PCED1B: variants seen among roughly 807,000 people sequenced by gnomAD.
The protein encoded by PCED1B is PC-esterase domain containing 1B.
For missense variants in PCED1B, 573 were observed against 573.9 expected, an observed-to-expected ratio of 1.00 and a Z score of 0.02; for synonymous variants, 251 against 246.1, an observed-to-expected ratio of 1.02 and a Z score of -0.19.
chr12:47,230,955 G>T (rs1043541281), intron 3 of PCED1B, among the ~76,000 whole-genome samples: 2 of 152,190 alleles, frequency 1.3e-5, no homozygotes, highest in African/African-American at 4.8e-5. Flanking sequence ...TATATGAAGT[G>T]TACTAATAGG....
chr12:47,171,057 C>A (rs543047399), intron 2 of PCED1B, among the ~76,000 whole-genome samples: 2 of 148,626 alleles, frequency 1.3e-5, no homozygotes, highest in Non-Finnish European at 3.0e-5. Flanking sequence ...TTCTTCCTGC[C>A]AGGTTACCTT....
At chr12:47,098,322 T>G (rs2137205127) in intron 1 of PCED1B, among the ~76,000 whole-genome samples, 1 of 152,320 alleles carries the variant, frequency 6.6e-6, no homozygotes. Flanking sequence ...GGGCTGAGGT[T>G]GGTGCCAGTG....
chr12:47,118,732 T>G (rs1206708651), intron 2 of PCED1B, among the ~76,000 whole-genome samples: 1 of 152,150 alleles, frequency 6.6e-6, no homozygotes, highest in Admixed American at 6.6e-5. Flanking sequence ...GTGAAGAAAG[T>G]CATTGGTAGC....
At chr12:47,098,841 AAGAAAGAGTGGG>A (rs1443543241) in intron 1 of PCED1B, among the ~76,000 whole-genome samples, 6 of 152,182 alleles carry the variant, frequency 3.9e-5, no homozygotes, top group Non-Finnish European at 5.9e-5. Context: ...AAAAGAGAGA[AAGAAAGAGTGGG>A]AGACTACAGA....
intron 1 of PCED1B, among the ~76,000 whole-genome samples, chr12:47,099,423 A>C (rs1297422279): frequency 6.6e-6 from 1 of 152,164 alleles, no homozygotes; most frequent in African/African-American, 2.4e-5. Context: ...GTCCATTGTA[A>C]ATGCCTTGAA....
chr12:47,099,339 G>A (rs979356522), intron 1 of PCED1B, among the ~76,000 whole-genome samples: 1 of 151,908 alleles, frequency 6.6e-6, no homozygotes. Context: ...CCTTTTTGAG[G>A]GCTACTTACC....
intron 2 of PCED1B, among the ~76,000 whole-genome samples, chr12:47,171,310 G>A (rs755106168): frequency 8.6e-5 from 13 of 151,948 alleles, no homozygotes; most frequent in South Asian, 6.2e-4. Flanking sequence ...CAGGTGATCC[G>A]CCCACCTTGC....
intron 3 of PCED1B, among the ~76,000 whole-genome samples, chr12:47,218,465 A>C (rs1057149354): frequency 1.3e-5 from 2 of 152,176 alleles, no homozygotes; most frequent in Non-Finnish European, 2.9e-5. Flanking sequence ...AAGTTTCCAG[A>C]ATCCTCTACA....
chr12:47,161,103 T>C (rs1215955703), intron 2 of PCED1B, among the ~76,000 whole-genome samples: 1 of 152,246 alleles, frequency 6.6e-6, no homozygotes, highest in Non-Finnish European at 1.5e-5. Flanking sequence ...CTATCTTTCT[T>C]GAACTTACCA....
rs1050229723 is a variant in PCED1B, at chr12:47,236,568, C to T, written c.*206C>T. The stretch of plus-strand genomic sequence containing the variant: ...CTTGGCTGCAGCCTCTTCCCCACTT[C>T]CTGGGAGTGACCCAGCGTTATTCCT... On this transcript the variant is annotated 3_prime_UTR_variant, in exon 4 of 4. Transcript: ENST00000546455. The T allele has an allele frequency of 1.1e-5, 6 of 538,794 alleles. No individual in the cohort carries two copies. The highest frequency in any genetic ancestry group is 2.0e-5 in the Non-Finnish European group (6 of 305,210). The allele number at this position is 538,794 out of a possible 1,614,324, so 33.4% of individuals were successfully genotyped here.
In PCED1B at chr12:47,095,567, G is replaced by A. The variant is rs1592135752; in HGVS notation, c.-608-8546G>A. Among the ~76,000 whole-genome samples, 3 of 151,912 alleles carry A rather than the reference G, an allele frequency of 2.0e-5. No homozygotes were observed. In the South Asian group the frequency reaches 6.2e-4, roughly 32 times the overall value. On this transcript the variant is annotated intron_variant, in intron 1 of 3. Coordinates refer to ENST00000546455, the MANE Select transcript of PCED1B (RefSeq NM_138371.3). ...ATGTGAAAAGTTTCATGTGTATCTT[G>A]TTCTTGCCATTGTTTCCATTCTTTT... is the stretch of plus-strand genomic sequence containing the variant.
intron 2 of PCED1B, among the ~76,000 whole-genome samples, chr12:47,143,135 C>A (rs1207491953): frequency 6.6e-6 from 1 of 152,000 alleles, no homozygotes; most frequent in Non-Finnish European, 1.5e-5. Context: ...GAAAGCTTTA[C>A]CTCTAAGATC....
At chr12:47,171,875 TCTTTTC>T (rs1042368712) in intron 2 of PCED1B, among the ~76,000 whole-genome samples, 12 of 150,802 alleles carry the variant, frequency 8.0e-5, no homozygotes, top group East Asian at 7.8e-4. Flanking sequence ...TCCTTCTTCT[TCTTTTC>T]TTCTTCTTCT....
intron 2 of PCED1B, among the ~76,000 whole-genome samples, chr12:47,189,514 C>G (rs1279634902): frequency 1.3e-5 from 2 of 152,134 alleles, no homozygotes; most frequent in African/African-American, 2.4e-5. Flanking sequence ...AATGAATGAC[C>G]TTGGACATAC....
At chr12:47,149,267 T>C (rs1343846481) in intron 2 of PCED1B, among the ~76,000 whole-genome samples, 1 of 152,204 alleles carries the variant, frequency 6.6e-6, no homozygotes, top group East Asian at 1.9e-4. Flanking sequence ...CCTTAAGTGC[T>C]TTCCCTCCAG....
At chr12:47,111,673 A>G (rs1036075868) in intron 2 of PCED1B, among the ~76,000 whole-genome samples, 5 of 152,026 alleles carry the variant, frequency 3.3e-5, no homozygotes, top group African/African-American at 7.3e-5. Flanking sequence ...TTTTAAGTGG[A>G]ATTGTTCTGT....
chr12:47,233,403 G>A (rs1943872606), intron 3 of PCED1B, among the ~76,000 whole-genome samples: 1 of 152,242 alleles, frequency 6.6e-6, no homozygotes, highest in Non-Finnish European at 1.5e-5. Flanking sequence ...CTCCCAAAGT[G>A]CTGGGATTAC....
intron 2 of PCED1B, among the ~76,000 whole-genome samples, chr12:47,160,293 CTTTTTTTT>C (rs59856338): frequency 2.9e-5 from 2 of 69,228 alleles, no homozygotes; most frequent in South Asian, 6.4e-4. Flanking sequence ...TTTTCTTTTT[CTTTTTTTT>C]TTTTTTTTTT....
intron 2 of PCED1B, among the ~76,000 whole-genome samples, chr12:47,106,887 G>C (rs1938975839): frequency 6.6e-6 from 1 of 151,804 alleles, no homozygotes; most frequent in African/African-American, 2.4e-5. Flanking sequence ...TCTGCTTCCG[G>C]GGCCCGCAGC....
Sources: allele counts gnomAD v4.1 joint callset (sites outside exome capture counted in the v4.1 genomes callset), GRCh38; gene constraint gnomAD v4.1.1; transcripts MANE v1.5; gene names NCBI Gene and HGNC (gene_info 2026-07-23, HGNC 2026-07-21).